SNX25: variants seen among roughly 807,000 people sequenced by gnomAD.
The protein encoded by SNX25 is sorting nexin-25.
Under a neutral mutation model 113.7 loss-of-function variants are expected in SNX25, and 62 were observed. The ratio of observed to expected loss-of-function variants is 0.55; its 90% CI spans 0.44 to 0.67. SNX25 has a LOEUF of 0.67. Among genes scored for constraint, SNX25 ranks in the 30% least tolerant of loss-of-function variants. SNX25 has a pLI of 0.00. For missense variants in SNX25, 1,014 were observed against 1,161.0 expected, an observed-to-expected ratio of 0.87 and a Z score of 1.84; for synonymous variants, 421 against 436.2, an observed-to-expected ratio of 0.97 and a Z score of 0.43.
At chr4:185,237,803 C>G (rs1742877787) in intron 1 of SNX25, among the ~76,000 whole-genome samples, 1 of 151,820 alleles carries the variant, frequency 6.6e-6, no homozygotes, top group African/African-American at 2.4e-5. Flanking sequence ...TTGCTCGTGC[C>G]TGTAATCCCA....
the SNX25 span, chr4:185,377,725 C>G: frequency 1.6e-3 from 293 of 181,162 alleles, no homozygotes; most frequent in African/African-American, 6.4e-3. Flanking sequence ...GCAACCCATC[C>G]CTAATATAAC....
At chr4:185,375,437 C>A in the SNX25 span, among the ~76,000 whole-genome samples, 1 of 99,656 alleles carries the variant, frequency 1.0e-5, no homozygotes, top group African/African-American at 3.8e-5. Flanking sequence ...GCCTGGGCGA[C>A]AGAGCGAGAC....
intron 6 of SNX25, among the ~76,000 whole-genome samples, chr4:185,304,327 G>A (rs113702132): frequency 0.047 from 7,208 of 152,154 alleles, 214 homozygotes; most frequent in South Asian, 0.067. Flanking sequence ...TAGGACTACA[G>A]GTGCATGCCA....
At position 185,332,568 on chromosome 4, in the gene SNX25, T is replaced by C. The variant is rs764749762; in HGVS notation, c.1750-27T>C. 2.5e-6 allele frequency: 4 copies of C among 1,576,176 alleles called. No individual in the cohort carries two copies. The South Asian group carries it at 4.7e-5, about 19-fold the overall frequency. On this transcript the variant is annotated intron_variant, in intron 9 of 18. Transcript: ENST00000652585. Reference sequence around the variant, plus strand: ...TACTGAATTTTCTATCATTATAAGATATGGTGGTATGTGACTCTCCCCCTA... The same window carrying C: ...TACTGAATTTTCTATCATTATAAGACATGGTGGTATGTGACTCTCCCCCTA...
At chr4:185,247,644 G>GT (rs1444582961) in intron 2 of SNX25, among the ~76,000 whole-genome samples, 1 of 152,062 alleles carries the variant, frequency 6.6e-6, no homozygotes, top group African/African-American at 2.4e-5. Context: ...GCACAGATCT[G>GT]TTCTCTCTTT....
chr4:185,332,112 A>C (rs2095199590), intron 9 of SNX25, among the ~76,000 whole-genome samples: 1 of 152,238 alleles, frequency 6.6e-6, no homozygotes, highest in Non-Finnish European at 1.5e-5. Flanking sequence ...TTTGTAGAAT[A>C]TATCAGGAGA....
chr4:185,219,731 A>G (rs554967955), intron 1 of SNX25, among the ~76,000 whole-genome samples: 55 of 152,166 alleles, frequency 3.6e-4, no homozygotes, highest in East Asian at 9.7e-4. Context: ...CTAGTCCCCA[A>G]CCTTGAGCTG....
chr4:185,321,301 T>C (rs1452068981), intron 8 of SNX25, among the ~76,000 whole-genome samples: 1 of 151,306 alleles, frequency 6.6e-6, no homozygotes, highest in Non-Finnish European at 1.5e-5. Flanking sequence ...CTTACTCTTT[T>C]ACCCAGGCTG....
chr4:185,314,261 G>A (rs1018741457), intron 7 of SNX25, among the ~76,000 whole-genome samples: 1 of 149,710 alleles, frequency 6.7e-6, no homozygotes, highest in African/African-American at 2.5e-5. Flanking sequence ...GGCAAAGACA[G>A]GAGGATCGCT....
chr4:185,239,805 G>A (rs1401302857), intron 1 of SNX25, among the ~76,000 whole-genome samples: 12 of 137,766 alleles, frequency 8.7e-5, no homozygotes, highest in South Asian at 2.3e-4. Context: ...TCATTCTTGG[G>A]TGTTTCTCGC....
intron 9 of SNX25, among the ~76,000 whole-genome samples, chr4:185,331,878 C>G (rs2126706002): frequency 6.6e-6 from 1 of 152,250 alleles, no homozygotes; most frequent in Admixed American, 6.5e-5. Context: ...CTGTTTGTTA[C>G]AATTACGAAA....
At chr4:185,377,010 G>A in the SNX25 span, 1 of 1,607,614 alleles carries the variant, frequency 6.2e-7, no homozygotes, top group South Asian at 1.1e-5. Context: ...AAATTAGCAT[G>A]GGTGTAATCT....
rs953150647 is a variant in SNX25 at position 185,209,706 on chromosome 4, G to C, written c.-121G>C. ...CGAGAGGGGCCCGGCGGCGTCTGCGGGGGCCGCTCCCTCGGTGGGCCGCGG... is the reference window on the plus strand; with the variant it reads ...CGAGAGGGGCCCGGCGGCGTCTGCGCGGGCCGCTCCCTCGGTGGGCCGCGG... On this transcript the variant is annotated 5_prime_UTR_variant, in exon 1 of 19. Transcript: ENST00000652585. The surrounding 1 kb of genome is among the most constrained non-coding windows in gnomAD (Gnocchi z 5.2). 2.0e-6 allele frequency: 2 copies of C among 981,902 alleles called. No individual in the cohort carries two copies. The highest frequency in any genetic ancestry group is 3.5e-5 in the African/African-American group (2 of 57,104). 60.8% of individuals were successfully genotyped at this position (981,902 alleles called of 1,614,324 possible).
At chr4:185,230,112 G>A (rs1342629067) in intron 1 of SNX25, among the ~76,000 whole-genome samples, 1 of 152,156 alleles carries the variant, frequency 6.6e-6, no homozygotes, top group Non-Finnish European at 1.5e-5. Context: ...TTATTGGCAT[G>A]AGCCACTGTG....
At chr4:185,346,478 CTT>C in intron 12 of SNX25, 57 bp from the exon 13 acceptor site, 1 of 1,153,150 alleles carries the variant, frequency 8.7e-7, no homozygotes, top group Non-Finnish European at 1.3e-6. Flanking sequence ...TATTCTAAAT[CTT>C]TTTTAAGATT....
In SNX25 at chr4:185,232,727, G is replaced by A. The variant is rs1742052551; in HGVS notation, c.430-14567G>A. 6.6e-6 allele frequency among the ~76,000 whole-genome samples: 1 copy of A among 152,104 alleles called. No homozygotes were observed. The highest frequency in any genetic ancestry group is 2.1e-4 in the South Asian group (1 of 4,820). On this transcript the variant is annotated intron_variant, in intron 1 of 18. Transcript: ENST00000652585. This position sits in a 1 kb window ranked among gnomAD's most constrained non-coding sequence, Gnocchi z 4.4. Reference sequence around the variant, plus strand: ...GCTTTAAAGCAGGGGCAGCTCTTCTGGTTCCTTCAGCATTTATGTTCAGTG... The same window carrying A: ...GCTTTAAAGCAGGGGCAGCTCTTCTAGTTCCTTCAGCATTTATGTTCAGTG...
At chr4:185,212,489 G>C (rs10025729) in intron 1 of SNX25, among the ~76,000 whole-genome samples, 1 of 43,358 alleles carries the variant, frequency 2.3e-5, no homozygotes, top group African/African-American at 8.4e-5. Flanking sequence ...GTGTGTGTGT[G>C]TGTTTTTTTT....
At chr4:185,265,971 A>G (rs1164589302) in intron 4 of SNX25, among the ~76,000 whole-genome samples, 3 of 152,228 alleles carry the variant, frequency 2.0e-5, no homozygotes, top group Admixed American at 6.5e-5. Flanking sequence ...GAACTGTACC[A>G]CAATATAATG....
chr4:185,376,191 T>C, the SNX25 span, among the ~76,000 whole-genome samples: 1 of 152,190 alleles, frequency 6.6e-6, no homozygotes, highest in Non-Finnish European at 1.5e-5. Flanking sequence ...TTTCCTCCTA[T>C]GCTATCCAGG....
Sources: allele counts gnomAD v4.1 joint callset (sites outside exome capture counted in the v4.1 genomes callset), GRCh38; gene constraint gnomAD v4.1.1; non-coding constraint Gnocchi (gnomAD v3.1); transcripts MANE v1.5; gene names NCBI Gene and HGNC (gene_info 2026-07-23, HGNC 2026-07-21).